CCDC149: variants seen among roughly 807,000 people sequenced by gnomAD.
CCDC149 encodes coiled-coil domain-containing protein 149.
A neutral mutation model predicts 59.9 loss-of-function variants in CCDC149; 45 were observed. That is an observed-to-expected ratio of 0.75 (90% CI 0.59 to 0.96). The LOEUF (loss-of-function observed/expected upper bound fraction) is 0.96, where lower values mean the gene tolerates loss of function less well. Ranked by LOEUF, CCDC149 falls within the 40% of genes least tolerant of loss-of-function variation. CCDC149 has a pLI of 0.00. For synonymous variants in CCDC149, 245 were observed against 260.6 expected (o/e 0.94, Z 0.58); for missense variants, 584 against 664.7 (o/e 0.88, Z 1.33).
At chr4:24,932,970 C>T (rs1444411034) in intron 1 of CCDC149, among the ~76,000 whole-genome samples, 1 of 152,144 alleles carries the variant, frequency 6.6e-6, no homozygotes, top group Non-Finnish European at 1.5e-5. Context: ...AAAGAAATCA[C>T]AGCAAACCTA....
At chr4:24,808,922 G>A in intron 12 of CCDC149, 103 bp from the exon 13 acceptor site, 1 of 1,141,124 alleles carries the variant, frequency 8.8e-7, no homozygotes, top group South Asian at 1.6e-5. Flanking sequence ...CAGGGCCTCT[G>A]AAAAAGGAGC....
At chr4:24,823,000 A>T (rs1715510407) in intron 9 of CCDC149, 1 of 153,268 alleles carries the variant, frequency 6.5e-6, no homozygotes, top group Admixed American at 6.5e-5. Context: ...AAAAAATAAG[A>T]TGGATGGACA....
chr4:24,838,011 A>C, intron 5 of CCDC149, 145 bp downstream of exon 5: 1 of 720,344 alleles, frequency 1.4e-6, no homozygotes, highest in South Asian at 1.6e-5. Context: ...TTGGGACCCT[A>C]GTGCAGTGCT....
At chr4:24,813,130 A>G (rs2109090342) in intron 12 of CCDC149, among the ~76,000 whole-genome samples, 1 of 152,026 alleles carries the variant, frequency 6.6e-6, no homozygotes, top group East Asian at 1.9e-4. Flanking sequence ...TGGGATTTGT[A>G]CCCTTATATG....
At chr4:24,817,266 A>G (rs1326501140) in intron 12 of CCDC149, among the ~76,000 whole-genome samples, 1 of 152,132 alleles carries the variant, frequency 6.6e-6, no homozygotes, top group Non-Finnish European at 1.5e-5. Context: ...CAAAACCACC[A>G]GCCAAGACAT....
chr4:24,876,292 T>TACAC (rs61406129), intron 2 of CCDC149, among the ~76,000 whole-genome samples: 1,577 of 124,736 alleles, frequency 0.013, 34 homozygotes, highest in African/African-American at 0.041. Flanking sequence ...CATACACACG[T>TACAC]ACACACACAC....
chr4:24,928,017 G>A (rs1190043004), intron 1 of CCDC149, among the ~76,000 whole-genome samples: 3 of 152,274 alleles, frequency 2.0e-5, no homozygotes, highest in East Asian at 1.9e-4. Flanking sequence ...CACATTCTAT[G>A]TCTGGTCTGG....
intron 1 of CCDC149, among the ~76,000 whole-genome samples, chr4:24,970,037 C>T (rs1381868904): frequency 6.6e-6 from 1 of 152,184 alleles, no homozygotes; most frequent in Non-Finnish European, 1.5e-5. Flanking sequence ...CTCAAAGGAA[C>T]CGTGGGGAGC....
At chr4:24,849,279 C>T (rs190188844) in intron 4 of CCDC149, among the ~76,000 whole-genome samples, 51 of 152,260 alleles carry the variant, frequency 3.3e-4, no homozygotes, top group Admixed American at 1.2e-3. Context: ...GAGGGTAATG[C>T]GTGGCTTTGT....
chr4:24,952,955 T>A (rs1055430105), intron 1 of CCDC149, among the ~76,000 whole-genome samples: 43 of 152,050 alleles, frequency 2.8e-4, no homozygotes, highest in Non-Finnish European at 5.1e-4. Flanking sequence ...AGAGATTTTT[T>A]ATGAGAAGTC....
At chr4:24,944,255 T>C (rs1723038092) in intron 1 of CCDC149, among the ~76,000 whole-genome samples, 1 of 152,160 alleles carries the variant, frequency 6.6e-6, no homozygotes, top group Non-Finnish European at 1.5e-5. Context: ...TGTAGGGACA[T>C]GGATGAAGCT....
chr4:24,970,861 A>G (rs1723947094), intron 1 of CCDC149, among the ~76,000 whole-genome samples: 1 of 152,084 alleles, frequency 6.6e-6, no homozygotes, highest in African/African-American at 2.4e-5. Flanking sequence ...ACCCCTTGGC[A>G]ATGACTATCC....
intron 2 of CCDC149, among the ~76,000 whole-genome samples, chr4:24,875,180 A>C (rs1719334090): frequency 6.6e-6 from 1 of 152,062 alleles, no homozygotes; most frequent in African/African-American, 2.4e-5. Flanking sequence ...AATACAAAAA[A>C]TTAGCCGAGC....
intron 4 of CCDC149, among the ~76,000 whole-genome samples, chr4:24,842,157 C>T (rs749108690): frequency 6.6e-6 from 1 of 152,196 alleles, no homozygotes; most frequent in Non-Finnish European, 1.5e-5. Flanking sequence ...GACTTCAGAA[C>T]CTAACCCTAA....
intron 11 of CCDC149, among the ~76,000 whole-genome samples, chr4:24,820,534 G>C (rs1483411324): frequency 2.0e-5 from 3 of 152,078 alleles, no homozygotes; most frequent in African/African-American, 7.2e-5. Context: ...GGAGGAGGAG[G>C]ATGAGGAGGA....
intron 12 of CCDC149, among the ~76,000 whole-genome samples, chr4:24,818,696 C>T (rs142211905): frequency 1.2e-4 from 18 of 152,300 alleles, no homozygotes; most frequent in African/African-American, 2.9e-4. Context: ...ACATGAACAG[C>T]GTGGATAGCT....
At chr4:24,862,075 C>A (rs1718422574) in intron 3 of CCDC149, among the ~76,000 whole-genome samples, 1 of 152,166 alleles carries the variant, frequency 6.6e-6, no homozygotes, top group Non-Finnish European at 1.5e-5. Flanking sequence ...CAAGATGAAT[C>A]TTGATAGATA....
chr4:24,944,230 T>C (rs972205017), intron 1 of CCDC149, among the ~76,000 whole-genome samples: 10 of 152,160 alleles, frequency 6.6e-5, no homozygotes, highest in African/African-American at 1.7e-4. Flanking sequence ...ATAAAAATGA[T>C]GAGTTCATGT....
intron 1 of CCDC149, among the ~76,000 whole-genome samples, chr4:24,933,389 C>T (rs1248674727): frequency 3.9e-5 from 6 of 151,954 alleles, no homozygotes; most frequent in Admixed American, 1.3e-4. Context: ...AAAACAAATG[C>T]CTGGTAAGTT....
Sources: gnomAD v4.1 joint callset for allele counts (sites outside exome capture counted in the v4.1 genomes callset) on GRCh38, gnomAD v4.1.1 for gene constraint, MANE v1.5 for transcripts, NCBI Gene and HGNC (gene_info 2026-07-23, HGNC 2026-07-21) for gene names.